Variants in FGF14 observed in about 807,000 individuals in gnomAD.
FGF14 encodes the protein fibroblast growth factor homologous factor 4.
In FGF14, 5 loss-of-function variants were observed where a neutral mutation model predicts 25.5. That is an observed-to-expected ratio of 0.20 (90% confidence interval 0.10 to 0.41). FGF14 has a LOEUF of 0.41. Ranked by LOEUF, FGF14 falls within the 10% of genes least tolerant of loss-of-function variation. FGF14 has a pLI of 1.00. For missense variants in FGF14, 222 were observed against 320.1 expected, an observed-to-expected ratio of 0.69 and a Z score of 2.34; for synonymous variants, 138 against 118.3, an observed-to-expected ratio of 1.17 and a Z score of -1.08.
chr13:102,316,459 TA>T (rs1392439498), intron 1 of FGF14, among the ~76,000 whole-genome samples: 4 of 152,196 alleles, frequency 2.6e-5, no homozygotes, highest in Non-Finnish European at 4.4e-5. Flanking sequence ...TATTATCAAT[TA>T]AAAATAAATG....
rs2035057988 is a variant in FGF14 at position 101,722,452 on chromosome 13, C to CTT, written c.*377_*378dup. 6.2e-6 allele frequency: 2 copies of CTT among 324,700 alleles called. No homozygotes were observed. Among genetic ancestry groups the CTT allele is most frequent in the South Asian group, 5.5e-5 (2 of 36,338 alleles). 20.1% of individuals were successfully genotyped at this position (324,700 alleles called of 1,614,324 possible). A position where few individuals can be genotyped will look rare whatever the true frequency, so the allele number is the denominator to read the frequency against. On this transcript the variant is annotated 3_prime_UTR_variant, in exon 5 of 5. Coordinates refer to ENST00000376143, the MANE Select transcript of FGF14 (RefSeq NM_004115.4). ...ATTATTTGTGTGCTACAAAATTGAA[C>CTT]TTAAACACATAGATTTCGCTGAAAC...
chr13:102,096,793 C>T (rs1387992705), intron 1 of FGF14, among the ~76,000 whole-genome samples: 1 of 151,574 alleles, frequency 6.6e-6, no homozygotes, highest in Non-Finnish European at 1.5e-5. Flanking sequence ...GAAACAGATT[C>T]CTTATGCAGT....
intron 1 of FGF14, among the ~76,000 whole-genome samples, chr13:102,347,944 G>C (rs775452463): frequency 3.4e-5 from 5 of 146,306 alleles, no homozygotes; most frequent in Non-Finnish European, 6.0e-5. Context: ...TAATAACTAA[G>C]AAAAAATAGA....
chr13:101,721,829 A>G lies in FGF14; in HGVS notation c.*1002T>C, dbSNP rs370179321. The G allele has an allele frequency of 6.6e-6, 1 of 150,884 alleles. No homozygotes were observed. The highest frequency in any genetic ancestry group is 1.5e-5 in the Non-Finnish European group (1 of 67,782). The allele number at this position is 150,884 out of a possible 1,614,324, so 9.3% of individuals were successfully genotyped here. The stretch of plus-strand genomic sequence containing the variant: ...ATCTGAAATGGATTTAGGTAGCGCA[A>G]TTCTTGTAGGTTATAATTACTGATT... On this transcript the variant is annotated 3_prime_UTR_variant, in exon 5 of 5. Coordinates refer to ENST00000376143, the MANE Select transcript of FGF14 (RefSeq NM_004115.4).
In FGF14 at chr13:102,159,164, A is replaced by G. The variant is rs556667973; in HGVS notation, c.208+242307T>C. Among the ~76,000 whole-genome samples, 10 of 150,492 alleles carry G rather than the reference A, an allele frequency of 6.6e-5. No individual in the cohort carries two copies. In the South Asian group the frequency reaches 2.1e-3, roughly 32 times the overall value. On this transcript the variant is annotated intron_variant, in intron 1 of 4. Coordinates refer to the FGF14 transcript ENST00000376131. ...CAAAAAAAAAAAAAAAAAAGAAAAGAAAAGAAAATTCAAGGGGTTCACCTT... is the reference window on the plus strand; with the variant it reads ...CAAAAAAAAAAAAAAAAAAGAAAAGGAAAGAAAATTCAAGGGGTTCACCTT...
chr13:102,300,184 T>C (rs2054956003), intron 1 of FGF14: 1 of 152,130 alleles, frequency 6.6e-6, no homozygotes, highest in African/African-American at 2.4e-5. Context: ...CCAGAACTGA[T>C]TGTTTTATAA....
intron 1 of FGF14, among the ~76,000 whole-genome samples, chr13:101,907,659 A>C (rs931477928): frequency 1.3e-5 from 2 of 152,178 alleles, no homozygotes; most frequent in African/African-American, 4.8e-5. Flanking sequence ...TGCCAGTAAC[A>C]GACAATTAAT....
At chr13:102,023,342 T>C (rs954622683) in intron 1 of FGF14, among the ~76,000 whole-genome samples, 2 of 152,056 alleles carry the variant, frequency 1.3e-5, no homozygotes, top group Admixed American at 6.6e-5. Context: ...AGATTTTTAA[T>C]AAAGGGAAGA....
intron 1 of FGF14, among the ~76,000 whole-genome samples, chr13:102,011,380 C>T (rs116138761): frequency 0.02 from 3,000 of 152,294 alleles, 102 homozygotes; most frequent in African/African-American, 0.069. Context: ...CTATTCCTAA[C>T]GCTGCAGGAG....
chr13:102,051,450 C>G (rs1052607385), intron 1 of FGF14, among the ~76,000 whole-genome samples: 2 of 152,180 alleles, frequency 1.3e-5, no homozygotes, highest in Admixed American at 6.5e-5. Flanking sequence ...ACATCAGACA[C>G]CAGTGCCACT....
chr13:101,993,437 A>C (rs2039011604), intron 1 of FGF14, among the ~76,000 whole-genome samples: 3 of 152,070 alleles, frequency 2.0e-5, no homozygotes, highest in Admixed American at 6.6e-5. Flanking sequence ...ATAAGTAAAC[A>C]TAAAATATGT....
At chr13:101,914,548 C>G (rs929483510) in intron 1 of FGF14, among the ~76,000 whole-genome samples, 3 of 152,070 alleles carry the variant, frequency 2.0e-5, no homozygotes, top group African/African-American at 7.2e-5. Flanking sequence ...ACCAACAGAG[C>G]AGTCAGGGTT....
At chr13:101,945,350 C>T (rs1428525968) in intron 1 of FGF14, among the ~76,000 whole-genome samples, 5 of 152,270 alleles carry the variant, frequency 3.3e-5, no homozygotes, top group Non-Finnish European at 4.4e-5. Context: ...TTAAATTATG[C>T]ATGTTTTAAC....
chr13:101,969,940 C>T (rs962312652), intron 1 of FGF14, among the ~76,000 whole-genome samples: 1 of 152,176 alleles, frequency 6.6e-6, no homozygotes, highest in Non-Finnish European at 1.5e-5. Flanking sequence ...AGCAAACATT[C>T]GTAATTTATG....
At chr13:101,801,240 T>C (rs146103881) in intron 3 of FGF14, among the ~76,000 whole-genome samples, 2 of 152,296 alleles carry the variant, frequency 1.3e-5, no homozygotes, top group Admixed American at 6.5e-5. Flanking sequence ...AGGAACCATA[T>C]AGAGTCTTAG....
At chr13:102,170,947 C>G (rs1437469622) in intron 1 of FGF14, among the ~76,000 whole-genome samples, 4 of 152,044 alleles carry the variant, frequency 2.6e-5, no homozygotes, top group Non-Finnish European at 4.4e-5. Flanking sequence ...TTACAAAAAA[C>G]AATGTAAAGC....
intron 1 of FGF14, among the ~76,000 whole-genome samples, chr13:101,960,933 T>C (rs116879392): frequency 0.1 from 15,674 of 152,248 alleles, 933 homozygotes; most frequent in Admixed American, 0.2. Context: ...TTGCATTTCT[T>C]TAATGATCGT....
At chr13:102,323,658 C>A (rs1480479306) in intron 1 of FGF14, among the ~76,000 whole-genome samples, 2 of 152,098 alleles carry the variant, frequency 1.3e-5, no homozygotes, top group African/African-American at 4.8e-5. Context: ...TACCAGACGT[C>A]CCTCTATATT....
intron 3 of FGF14, among the ~76,000 whole-genome samples, chr13:101,823,919 A>C (rs202135106): frequency 7.8e-6 from 1 of 127,572 alleles, no homozygotes; most frequent in Non-Finnish European, 1.7e-5. Context: ...TTTTCTTAAT[A>C]ATCAATTATA....
Sources: gnomAD v4.1 joint callset for allele counts (sites outside exome capture counted in the v4.1 genomes callset) on GRCh38, gnomAD v4.1.1 for gene constraint, MANE v1.5 for transcripts, NCBI Gene and HGNC (gene_info 2026-07-23, HGNC 2026-07-21) for gene names.